Variants in SCNN1A observed in about 807,000 individuals in gnomAD.
SCNN1A encodes the protein epithelial sodium channel subunit alpha.
A neutral mutation model predicts 68.6 loss-of-function variants in SCNN1A; 65 were observed. That is an observed-to-expected ratio of 0.95 (90% CI 0.78 to 1.16). The LOEUF (loss-of-function observed/expected upper bound fraction) is 1.16, where lower values mean the gene tolerates loss of function less well. Ranked by LOEUF, SCNN1A falls within the 50% of genes most tolerant of loss-of-function variation. SCNN1A has a pLI of 0.00. For synonymous variants in SCNN1A, 357 were observed against 353.3 expected (o/e 1.01, Z -0.12); for missense variants, 880 against 865.9 (o/e 1.02, Z -0.20).
Position 6,374,967 on chromosome 12 carries a change from C to T in SCNN1A, c.-54-130G>A, listed in dbSNP as rs1473501297. 1.3e-6 allele frequency: 2 copies of T among 1,562,818 alleles called. No homozygotes were observed. Among genetic ancestry groups the T allele is most frequent in the Admixed American group, 1.9e-5 (1 of 51,680 alleles). On this transcript the variant is annotated intron_variant, in intron 1 of 12. Coordinates refer to ENST00000228916, the MANE Select transcript of SCNN1A (RefSeq NM_001038.6). This position sits in a 1 kb window ranked among gnomAD's most constrained non-coding sequence, Gnocchi z 6.2. ...TGCCCCTGGCCATGCCCATGTCCCA[C>T]CCTGCGCCCACATTCTCCCACTCCT... is the stretch of plus-strand genomic sequence containing the variant.
At position 6,347,878 on chromosome 12, in the gene SCNN1A, GCCC is replaced by G; in HGVS notation, c.2002_2004del (p.Gly668del). 6.3e-7 allele frequency: 1 copy of G among 1,597,796 alleles called. No homozygotes were observed. The highest frequency in any genetic ancestry group is 2.2e-5 in the East Asian group (1 of 44,696). On this transcript the variant is annotated inframe_deletion, in exon 13 of 13. Coordinates refer to ENST00000228916, the MANE Select transcript of SCNN1A (RefSeq NM_001038.6). ...GAGAAACCTCTCCTTCCCTCTCAGG[GCCC>G]CCCCAGAGGACAGGTGGAGGAACTG...
In SCNN1A at chr12:6,350,404, AGCCTGGGC is replaced by A. The variant is rs1283171690; in HGVS notation, c.1361-1007_1361-1000del. On this transcript the variant is annotated intron_variant, in intron 8 of 12. Coordinates refer to ENST00000228916, the MANE Select transcript of SCNN1A (RefSeq NM_001038.6). ...CCGAGATCGCGCCATTGCACACTCT[AGCCTGGGC>A]GACTGAGCGAGACTCCGTCTCAAAA... 2.8e-4 allele frequency among the ~76,000 whole-genome samples: 42 copies of A among 151,124 alleles called. 1 individual carries two copies. The highest frequency in any genetic ancestry group is 1.4e-3 in the Admixed American group (21 of 15,184).
At chr12:6,369,855 AT>A (rs1466690176) in intron 2 of SCNN1A, among the ~76,000 whole-genome samples, 37 of 143,556 alleles carry the variant, frequency 2.6e-4, no homozygotes, top group South Asian at 1.4e-3. Flanking sequence ...AAAAAAAAAA[AT>A]CTCTCCCTCC....
At chr12:6,361,960 G>T in intron 4 of SCNN1A, 91 bp downstream of exon 4, 1 of 1,405,964 alleles carries the variant, frequency 7.1e-7, no homozygotes, top group Non-Finnish European at 1.0e-6. Flanking sequence ...TAGTCAACAA[G>T]CATTTCCTGG....
At position 6,374,270 on chromosome 12, in the gene SCNN1A, C is replaced by G; in HGVS notation, c.416+98G>C. 7.4e-7 allele frequency: 1 copy of G among 1,343,746 alleles called. No homozygotes were observed. Among genetic ancestry groups the G allele is most frequent in the Non-Finnish European group, 1.0e-6 (1 of 968,432 alleles). The allele number at this position is 1,343,746 out of a possible 1,614,324, so 83.2% of individuals were successfully genotyped here. On this transcript the variant is annotated intron_variant, in intron 2 of 12. Transcript: ENST00000228916. This position sits in a 1 kb window ranked among gnomAD's most constrained non-coding sequence, Gnocchi z 6.2. ...TGGGACAGGGGTGTCAGTTCCCACC[C>G]TCAGGTCTGAGGCTCTGCCTGCCCA...
chr12:6,372,018 G>A lies in SCNN1A; in HGVS notation c.416+2350C>T, dbSNP rs1592085476. 6.6e-6 allele frequency among the ~76,000 whole-genome samples: 1 copy of A among 151,990 alleles called. No individual in the cohort carries two copies. Among genetic ancestry groups the A allele is most frequent in the African/African-American group, 2.4e-5 (1 of 41,384 alleles). On this transcript the variant is annotated intron_variant, in intron 2 of 12. Transcript: ENST00000228916. This position sits in a 1 kb window ranked among gnomAD's most constrained non-coding sequence, Gnocchi z 5.8. ...TCACCATGATGGCCAGGCTGGTCTCGAACTCCTGGCCTCAAGTGAGGGGCT... is the reference window on the plus strand; with the variant it reads ...TCACCATGATGGCCAGGCTGGTCTCAAACTCCTGGCCTCAAGTGAGGGGCT...
chr12:6,363,880 A>C, intron 2 of SCNN1A, 170 bp from the exon 3 acceptor site: 5 of 462,178 alleles, frequency 1.1e-5, no homozygotes, highest in Non-Finnish European at 1.5e-5. Flanking sequence ...TGAAGGGTAA[A>C]CAGGTGTGTC....
chr12:6,349,397 A>G lies in SCNN1A; in HGVS notation c.1369T>C (p.Tyr457His). 2 of 1,592,336 alleles carry G rather than the reference A, an allele frequency of 1.3e-6. No individual in the cohort carries two copies. The highest frequency in any genetic ancestry group is 1.7e-6 in the Non-Finnish European group (2 of 1,168,774). Residue 457 changes from tyrosine (Y) to histidine (H), a missense_variant, in exon 9 of 13, where the codon TAC (tyrosine) becomes CAC (histidine). Physicochemically the swap from Tyr to His is moderately conservative, Grantham distance 83. This residue lies in a region of SCNN1A where 758 missense variants were observed against 721.8 expected (regional missense o/e 1.05). Coordinates refer to ENST00000228916, the MANE Select transcript of SCNN1A (RefSeq NM_001038.6). The stretch of plus-strand genomic sequence containing the variant: ...GAGAAGTCAACCTGGAGCTTATAGT[A>G]GCAGTACCCTGTGGGTACAGAGAGA... ...YRKHSSWGYC[Y>H]YKLQVDFSSD...
upstream of SCNN1A, among the ~76,000 whole-genome samples, chr12:6,376,749 G>A (rs909059119): frequency 6.6e-6 from 1 of 152,130 alleles, no homozygotes; most frequent in African/African-American, 2.4e-5. Context: ...GGCCCTGCAC[G>A]CGGCAGGGAA....
chr12:6,349,323 T>G lies in SCNN1A; in HGVS notation c.1439+4A>C. On this transcript the variant is annotated splice_donor_region_variant and intron_variant, in intron 9 of 12. Coordinates refer to ENST00000228916, the MANE Select transcript of SCNN1A (RefSeq NM_001038.6). ...AACCTGTACCCGGGGAAGGGGACAC[T>G]AACCTGCATGGCTTCCGGCACTTGG... 6.2e-7 allele frequency: 1 copy of G among 1,613,706 alleles called. No individual in the cohort carries two copies. Among genetic ancestry groups the G allele is most frequent in the Non-Finnish European group, 8.5e-7 (1 of 1,179,778 alleles).
Position 6,354,554 on chromosome 12 carries a change from A to C in SCNN1A, c.1244T>G (p.Val415Gly), listed in dbSNP as rs1183809478. The C allele has an allele frequency of 6.2e-7, 1 of 1,603,354 alleles. No homozygotes were observed. The highest frequency in any genetic ancestry group is 8.5e-7 in the Non-Finnish European group (1 of 1,170,368). Residue 415 changes from valine to glycine, a missense_variant and splice_region_variant, in exon 8 of 13, where the codon GTG becomes GGG. Around this residue, in one of 3 missense-constraint regions of SCNN1A, gnomAD observed 758 missense variants for 721.8 expected, o/e 1.05. Transcript: ENST00000228916. ...CTCCTGGAAGCAGGAGTGAATACAC[A>C]CCTGGAAGGGAGGAGGGTGGAGAGG... ...NLYPSKYTQQ[V>G]CIHSCFQESM...
chr12:6,364,424 C>T (rs1948640489), intron 2 of SCNN1A, among the ~76,000 whole-genome samples: 1 of 152,058 alleles, frequency 6.6e-6, no homozygotes, highest in Admixed American at 6.5e-5. Flanking sequence ...ACAAACTGAA[C>T]AAGGTTGCAG....
chr12:6,350,181 C>T (rs531162358), intron 8 of SCNN1A, among the ~76,000 whole-genome samples: 39 of 150,466 alleles, frequency 2.6e-4, no homozygotes, highest in African/African-American at 9.3e-4. Context: ...GCCTGTAATC[C>T]CAGCACTTTG....
At position 6,347,887 on chromosome 12, in the gene SCNN1A, G is replaced by C. The variant is rs773435718; in HGVS notation, c.1996C>G (p.Leu666Val). 1.2e-6 allele frequency: 2 copies of C among 1,601,974 alleles called. No homozygotes were observed. Among genetic ancestry groups the C allele is most frequent in the Admixed American group, 1.7e-5 (1 of 58,844 alleles). Residue 666 changes from leucine to valine, a missense_variant, in exon 13 of 13, where the codon CTG (leucine) becomes GTG (valine). Transcript: ENST00000228916. ...SAGASSSTCPLGGP is the reference protein window; with the variant it reads ...SAGASSSTCPVGGP ...CTCCTTCCCTCTCAGGGCCCCCCCAGAGGACAGGTGGAGGAACTGGCCCCT... is the reference window on the plus strand; with the variant it reads ...CTCCTTCCCTCTCAGGGCCCCCCCACAGGACAGGTGGAGGAACTGGCCCCT...
intron 8 of SCNN1A, chr12:6,353,851 A>G (rs1237537666): frequency 6.7e-6 from 1 of 148,482 alleles, no homozygotes; most frequent in Non-Finnish European, 1.5e-5. Context: ...GGCCTCCCAA[A>G]GTGCTGGGAT....
Position 6,351,349 on chromosome 12 carries a change from C to T in SCNN1A, c.1361-1944G>A, listed in dbSNP as rs1173906080. 6.6e-5 allele frequency among the ~76,000 whole-genome samples: 10 copies of T among 152,136 alleles called. No individual in the cohort carries two copies. Among genetic ancestry groups the T allele is most frequent in the African/African-American group, 9.7e-5 (4 of 41,418 alleles). On this transcript the variant is annotated intron_variant, in intron 8 of 12. Transcript: ENST00000228916. The surrounding 1 kb of genome is among the most constrained non-coding windows in gnomAD (Gnocchi z 4.2). ...ATATGAAAGATTCAGAATAGCCGGGCGCAGTGGCTCATGCCTGTAATCCCA... is the reference window on the plus strand; with the variant it reads ...ATATGAAAGATTCAGAATAGCCGGGTGCAGTGGCTCATGCCTGTAATCCCA...
chr12:6,367,090 T>C (rs1948693594), intron 2 of SCNN1A, among the ~76,000 whole-genome samples: 1 of 152,010 alleles, frequency 6.6e-6, no homozygotes, highest in Admixed American at 6.6e-5. Context: ...ATACAAAAAT[T>C]AGCCAGATGT....
At chr12:6,367,743 G>GA (rs1166246534) in intron 2 of SCNN1A, among the ~76,000 whole-genome samples, 2 of 152,152 alleles carry the variant, frequency 1.3e-5, no homozygotes, top group Admixed American at 6.6e-5. Context: ...CTCACTTAAA[G>GA]AAAAAAATAC....
upstream of SCNN1A, chr12:6,375,635 C>T (rs777145578): frequency 6.0e-5 from 90 of 1,488,638 alleles, no homozygotes; most frequent in South Asian, 1.8e-4. Context: ...GAGTCAGAGC[C>T]GGGAGTTTTC....
Sources: allele counts gnomAD v4.1 joint callset (sites outside exome capture counted in the v4.1 genomes callset), GRCh38; gene constraint gnomAD v4.1.1; regional missense constraint gnomAD v4.1.1; non-coding constraint Gnocchi (gnomAD v3.1); transcripts MANE v1.5; gene names NCBI Gene and HGNC (gene_info 2026-07-23, HGNC 2026-07-21).